Variants in CDH12 observed in about 807,000 individuals in gnomAD.
The protein encoded by CDH12 is cadherin-12.
A neutral mutation model predicts 74.1 loss-of-function variants in CDH12; 41 were observed. The ratio of observed to expected loss-of-function variants is 0.55; its 90% CI spans 0.43 to 0.72. The LOEUF is 0.72. Ranked by LOEUF, CDH12 falls within the 30% of genes least tolerant of loss-of-function variation. The probability of loss-of-function intolerance (pLI) is 0.00; values close to 1 mark genes in which losing one functional copy is unlikely to be tolerated. For synonymous variants in CDH12, 399 were observed against 355.0 expected (o/e 1.12, Z -1.39); for missense variants, 945 against 977.2 (o/e 0.97, Z 0.44).
At chr5:22,227,246 G>A (rs1752226242) in intron 3 of CDH12, among the ~76,000 whole-genome samples, 1 of 151,972 alleles carries the variant, frequency 6.6e-6, no homozygotes, top group Non-Finnish European at 1.5e-5. Context: ...TCCCCATCTG[G>A]TAAGTGTTCT....
intron 3 of CDH12, among the ~76,000 whole-genome samples, chr5:22,318,826 A>G (rs923937186): frequency 2.0e-5 from 3 of 152,114 alleles, no homozygotes; most frequent in Admixed American, 6.6e-5. Flanking sequence ...TCATTTACAT[A>G]TTGTGATCAT....
intron 1 of CDH12, among the ~76,000 whole-genome samples, chr5:22,766,003 T>C (rs1281599602): frequency 4.0e-5 from 6 of 151,850 alleles, no homozygotes; most frequent in Non-Finnish European, 8.8e-5. Context: ...GAAACTAAAA[T>C]GGTCAATAAA....
intron 5 of CDH12, among the ~76,000 whole-genome samples, chr5:21,989,852 T>C (rs1757672715): frequency 6.6e-6 from 1 of 152,220 alleles, no homozygotes; most frequent in Admixed American, 6.5e-5. Context: ...AAATTTGTTT[T>C]AGATACTACT....
At chr5:21,921,200 T>C (rs531923711) in intron 6 of CDH12, among the ~76,000 whole-genome samples, 1 of 152,306 alleles carries the variant, frequency 6.6e-6, no homozygotes, top group Admixed American at 6.5e-5. Flanking sequence ...CCCCACATAT[T>C]AGAAGCACAG....
chr5:22,642,904 G>T (rs1323774518), intron 1 of CDH12, among the ~76,000 whole-genome samples: 4 of 152,036 alleles, frequency 2.6e-5, no homozygotes, highest in Admixed American at 6.6e-5. Flanking sequence ...TCTGGTTTTT[G>T]TCTCTAGAAT....
intron 1 of CDH12, among the ~76,000 whole-genome samples, chr5:22,576,253 A>G (rs1014011728): frequency 3.3e-5 from 5 of 152,038 alleles, no homozygotes; most frequent in Admixed American, 6.5e-5. Context: ...AGTTCTCACT[A>G]CCTGGCTTCT....
At chr5:22,199,486 C>T (rs183564592) in intron 4 of CDH12, among the ~76,000 whole-genome samples, 60 of 152,300 alleles carry the variant, frequency 3.9e-4, no homozygotes, top group East Asian at 1.9e-4. Context: ...AAGCATTCAT[C>T]GCTTTAACTA....
intron 3 of CDH12, among the ~76,000 whole-genome samples, chr5:22,287,722 C>CAAAAAAAA (rs35636015): frequency 7.9e-6 from 1 of 126,868 alleles, no homozygotes; most frequent in Non-Finnish European, 1.7e-5. Context: ...GACTCCGTCT[C>CAAAAAAAA]AAAAAAAAAA....
intron 1 of CDH12, among the ~76,000 whole-genome samples, chr5:22,779,525 T>C (rs1367217340): frequency 6.6e-6 from 1 of 152,210 alleles, no homozygotes; most frequent in African/African-American, 2.4e-5. Flanking sequence ...AGTTTGGCTC[T>C]GTGTCCCCAA....
intron 4 of CDH12, among the ~76,000 whole-genome samples, chr5:22,089,771 A>G (rs114611773): frequency 8.4e-4 from 128 of 152,284 alleles, no homozygotes; most frequent in African/African-American, 2.9e-3. Context: ...AATTTCTGTA[A>G]CTGGGGAAAT....
chr5:22,377,168 T>C (rs749202229), intron 3 of CDH12, among the ~76,000 whole-genome samples: 1 of 152,160 alleles, frequency 6.6e-6, no homozygotes, highest in Admixed American at 6.5e-5. Context: ...CAACCAATAA[T>C]ACCAATGACA....
chr5:22,335,205 C>G (rs1327337519), intron 3 of CDH12, among the ~76,000 whole-genome samples: 5 of 152,116 alleles, frequency 3.3e-5, no homozygotes, highest in Admixed American at 3.3e-4. Flanking sequence ...CTATGTGCCC[C>G]CACCCAAATC....
chr5:22,606,444 G>T lies in CDH12; in HGVS notation c.-522-101080C>A, dbSNP rs140276022. Among the ~76,000 whole-genome samples the T allele has an allele frequency of 2.5e-3, 374 of 152,264 alleles. 2 individuals are homozygous for T. The highest frequency in any genetic ancestry group is 7.7e-3 in the African/African-American group (319 of 41,556). On this transcript the variant is annotated intron_variant, in intron 1 of 14. Transcript: ENST00000382254. ...ACATGTCAAGGGGATTATCCTAGTG[G>T]AGATAATTGAATCATGGGAGCAGTT...
chr5:22,486,916 G>T lies in CDH12; in HGVS notation c.-428+18354C>A, dbSNP rs114544016. On this transcript the variant is annotated intron_variant, in intron 2 of 14. Coordinates refer to ENST00000382254, the MANE Select transcript of CDH12 (RefSeq NM_004061.5). ...ACATCTAGACCTGGAAGTTCATTGA[G>T]GTCAAGTGTTTGCAAAGATCTTCTG... 5.8e-3 allele frequency among the ~76,000 whole-genome samples: 879 copies of T among 152,268 alleles called. 9 individuals are homozygous for T. The highest frequency in any genetic ancestry group is 0.02 in the African/African-American group (850 of 41,530).
intron 1 of CDH12, among the ~76,000 whole-genome samples, chr5:22,838,443 G>T (rs1736928130): frequency 6.6e-6 from 1 of 152,058 alleles, no homozygotes; most frequent in African/African-American, 2.4e-5. Flanking sequence ...CAACTCATTT[G>T]TGTAAGTCAT....
chr5:21,959,166 G>GT (rs1170852542), intron 6 of CDH12, among the ~76,000 whole-genome samples: 52 of 152,330 alleles, frequency 3.4e-4, no homozygotes, highest in African/African-American at 9.4e-4. Flanking sequence ...CTTTGCTGAA[G>GT]TTTTTTTTAT....
intron 6 of CDH12, among the ~76,000 whole-genome samples, chr5:21,863,934 G>A (rs1751188913): frequency 1.3e-5 from 2 of 152,020 alleles, no homozygotes; most frequent in African/African-American, 4.8e-5. Context: ...ATTGCATTAT[G>A]ATCTAGAGAT....
At chr5:21,953,801 G>A (rs1327590303) in intron 6 of CDH12, among the ~76,000 whole-genome samples, 1 of 151,840 alleles carries the variant, frequency 6.6e-6, no homozygotes, top group Non-Finnish European at 1.5e-5. Flanking sequence ...CTTTTTTATT[G>A]TTTGGAATCC....
At chr5:22,298,593 T>A (rs1165456789) in intron 3 of CDH12, among the ~76,000 whole-genome samples, 2 of 152,170 alleles carry the variant, frequency 1.3e-5, no homozygotes, top group African/African-American at 4.8e-5. Flanking sequence ...ACAGCTTTTT[T>A]ACATAGATAA....
Sources: allele counts gnomAD v4.1 joint callset (sites outside exome capture counted in the v4.1 genomes callset), GRCh38; gene constraint gnomAD v4.1.1; transcripts MANE v1.5; gene names NCBI Gene and HGNC (gene_info 2026-07-23, HGNC 2026-07-21).